NOL9: variants seen among roughly 807,000 people sequenced by gnomAD.
The protein encoded by NOL9 is nucleolar protein 9.
In NOL9, 28 loss-of-function variants were observed where a neutral mutation model predicts 67.9. The observed-to-expected ratio is 0.41, with a 90% confidence interval of 0.31 to 0.57. The LOEUF (loss-of-function observed/expected upper bound fraction) is 0.57. NOL9 is among the 20% of genes least tolerant of loss of function. NOL9 has a pLI of 0.25. For synonymous variants in NOL9, 356 were observed against 352.2 expected (o/e 1.01, Z -0.12); for missense variants, 777 against 897.0 (o/e 0.87, Z 1.71).
In NOL9 at chr1:6,550,426, G is replaced by C; in HGVS notation, c.586C>G (p.Arg196Gly). Residue 196 changes from arginine to glycine, a missense_variant, in exon 2 of 12, where the codon CGG becomes GGG. Transcript: ENST00000377705. ...KSKKELKREA[R>G]NLLKSHLNLD... ...TTAAGATGAGATTTGAGCAAATTCC[G>C]GGCTTCCCTTTTCAGTTCCTTCTTG... 6.2e-7 allele frequency: 1 copy of C among 1,614,090 alleles called. No individual in the cohort carries two copies. Among genetic ancestry groups the C allele is most frequent in the Non-Finnish European group, 8.5e-7 (1 of 1,180,010 alleles).
chr1:6,540,508 G>A (rs1008675170), intron 6 of NOL9, among the ~76,000 whole-genome samples: 4 of 152,110 alleles, frequency 2.6e-5, no homozygotes, highest in Non-Finnish European at 5.9e-5. Flanking sequence ...TGTAGAGACA[G>A]GGTCTCACCA....
At chr1:6,541,949 AAAAG>A (rs1011137647) in intron 5 of NOL9, 22 bp from the exon 6 acceptor site, 4 of 1,478,260 alleles carry the variant, frequency 2.7e-6, no homozygotes, top group Non-Finnish European at 2.8e-6. Context: ...TAAAAAAGAA[AAAAG>A]AAAGAAAATC....
chr1:6,540,397 C>G (rs1046444393), intron 6 of NOL9, among the ~76,000 whole-genome samples: 1 of 152,068 alleles, frequency 6.6e-6, no homozygotes, highest in African/African-American at 2.4e-5. Context: ...GCTGGGATTA[C>G]AGGCATGAGC....
intron 11 of NOL9, 150 bp from the exon 12 acceptor site, chr1:6,526,153 G>T: frequency 1.5e-6 from 1 of 686,482 alleles, no homozygotes; most frequent in Non-Finnish European, 2.5e-6. Context: ...TTCCTTCAGA[G>T]CCCCCTTTAA....
At chr1:6,549,285 C>T in intron 3 of NOL9, 1 of 250,938 alleles carries the variant, frequency 4.0e-6, no homozygotes. Context: ...ACCAACCAAC[C>T]AACCAAAAAA....
intron 10 of NOL9, among the ~76,000 whole-genome samples, chr1:6,528,680 C>CA (rs973929954): frequency 2.0e-5 from 3 of 152,154 alleles, no homozygotes; most frequent in South Asian, 4.1e-4. Flanking sequence ...GAGGACACTG[C>CA]AAAAAGGCAA....
At chr1:6,544,944 A>T in intron 4 of NOL9, 22 bp from the exon 5 acceptor site, 1 of 1,614,206 alleles carries the variant, frequency 6.2e-7, no homozygotes, top group Non-Finnish European at 8.5e-7. Context: ...ACAAACATTG[A>T]TCGCTAGAAT....
At chr1:6,542,927 G>A (rs1272534692) in intron 5 of NOL9, among the ~76,000 whole-genome samples, 1 of 151,680 alleles carries the variant, frequency 6.6e-6, no homozygotes, top group Non-Finnish European at 1.5e-5. Flanking sequence ...GAGACAGGGT[G>A]TCACCGAGTC....
At chr1:6,537,078 C>A (rs2148655151) in intron 6 of NOL9, among the ~76,000 whole-genome samples, 1 of 152,094 alleles carries the variant, frequency 6.6e-6, no homozygotes, top group South Asian at 2.1e-4. Flanking sequence ...CATAGAAAGC[C>A]TGGAAATAAA....
chr1:6,549,490 A>T lies in NOL9; in HGVS notation c.744+81T>A, dbSNP rs567820546. On this transcript the variant is annotated intron_variant, in intron 3 of 11. Transcript: ENST00000377705. Reference sequence around the variant, plus strand: ...ACTAGATAGACCAACTGTTCTTCCAAGACAACATCCTACATAGTCATTTGA... The same window carrying T: ...ACTAGATAGACCAACTGTTCTTCCATGACAACATCCTACATAGTCATTTGA... 1.8e-4 allele frequency: 275 copies of T among 1,516,678 alleles called. 1 individual carries two copies. The South Asian group carries it at 3.2e-3, about 17-fold the overall frequency. The allele number at this position is 1,516,678 out of a possible 1,614,324, so 94.0% of individuals were successfully genotyped here.
chr1:6,539,478 AATTATT>A (rs112086769), intron 6 of NOL9, among the ~76,000 whole-genome samples: 10 of 151,704 alleles, frequency 6.6e-5, no homozygotes, highest in Non-Finnish European at 1.0e-4. Flanking sequence ...CATCAAAAAG[AATTATT>A]ATTATTATTA....
Position 6,525,841 on chromosome 1 carries a change from A to T in NOL9, c.*13T>A. ...TGGTAGGAAAGTTTCTTCCCTTATTAAAAACGCGAGCATCACTTCATTTTT... is the reference window on the plus strand; with the variant it reads ...TGGTAGGAAAGTTTCTTCCCTTATTTAAAACGCGAGCATCACTTCATTTTT... On this transcript the variant is annotated 3_prime_UTR_variant, in exon 12 of 12. Coordinates refer to ENST00000377705, the MANE Select transcript of NOL9 (RefSeq NM_024654.5). 1 of 1,613,476 alleles carries T rather than the reference A, an allele frequency of 6.2e-7. No homozygotes were observed. The highest frequency in any genetic ancestry group is 8.5e-7 in the Non-Finnish European group (1 of 1,179,668).
rs752769037 is a variant in NOL9 at position 6,550,361 on chromosome 1, A to G, written c.616+35T>C. 2.6e-6 allele frequency: 4 copies of G among 1,557,846 alleles called. No homozygotes were observed. The Admixed American group carries it at 5.0e-5, about 20-fold the overall frequency. On this transcript the variant is annotated intron_variant, in intron 2 of 11. Coordinates refer to ENST00000377705, the MANE Select transcript of NOL9 (RefSeq NM_024654.5). ...AATTATGAATTAGCCTTATTACAGT[A>G]GGCCCTCAGTAAATTACCCAGTTCT...
At chr1:6,530,929 C>T (rs750150983) in intron 9 of NOL9, among the ~76,000 whole-genome samples, 4 of 152,226 alleles carry the variant, frequency 2.6e-5, no homozygotes, top group Non-Finnish European at 5.9e-5. Flanking sequence ...TTGACTACAC[C>T]ATTTTGGGCA....
chr1:6,550,037 ATT>A (rs36059388), intron 2 of NOL9, among the ~76,000 whole-genome samples: 33 of 149,758 alleles, frequency 2.2e-4, no homozygotes, highest in South Asian at 6.3e-4. Context: ...ATCTAAAATA[ATT>A]TTTTTTTTTT....
At chr1:6,546,333 C>T (rs1389128905) in intron 3 of NOL9, among the ~76,000 whole-genome samples, 1 of 152,198 alleles carries the variant, frequency 6.6e-6, no homozygotes, top group Non-Finnish European at 1.5e-5. Context: ...GGCTTGAGAA[C>T]AGGCAATTCC....
At position 6,544,819 on chromosome 1, in the gene NOL9, C is replaced by T. The variant is rs1264487077; in HGVS notation, c.977+7G>A. 35 of 1,613,686 alleles carry T rather than the reference C, an allele frequency of 2.2e-5. No homozygotes were observed. The highest frequency in any genetic ancestry group is 3.0e-5 in the Non-Finnish European group (35 of 1,179,730). ...ATGTGTCAAAGCCATAAGAAAAGCACTCTTACCTATTTAACAAATGGTTAA... is the reference window on the plus strand; with the variant it reads ...ATGTGTCAAAGCCATAAGAAAAGCATTCTTACCTATTTAACAAATGGTTAA... On this transcript the variant is annotated splice_region_variant and intron_variant, in intron 5 of 11. Coordinates refer to ENST00000377705, the MANE Select transcript of NOL9 (RefSeq NM_024654.5).
At chr1:6,541,768 G>T in intron 6 of NOL9, 62 bp downstream of exon 6, 2 of 975,150 alleles carry the variant, frequency 2.1e-6, no homozygotes, top group East Asian at 2.6e-5. Flanking sequence ...CTGAGTTTTT[G>T]TTAGCATCAT....
At chr1:6,548,547 G>A (rs749528206) in intron 3 of NOL9, 26 of 353,952 alleles carry the variant, frequency 7.3e-5, no homozygotes, top group East Asian at 5.7e-4. Flanking sequence ...AGGATCAAGC[G>A]TGCTTTCCTT....
Sources: allele counts gnomAD v4.1 joint callset (sites outside exome capture counted in the v4.1 genomes callset), GRCh38; gene constraint gnomAD v4.1.1; transcripts MANE v1.5; gene names NCBI Gene and HGNC (gene_info 2026-07-23, HGNC 2026-07-21).